NTM: variants seen among roughly 807,000 people sequenced by gnomAD.
NTM encodes the protein neurotrimin, also known as IgLON family member 2.
In NTM, 13 loss-of-function variants were observed where a neutral mutation model predicts 42.1. That is an observed-to-expected ratio of 0.31 (90% CI 0.20 to 0.49). The LOEUF is 0.49. NTM is among the 20% of genes least tolerant of loss of function. The pLI is 0.99. For missense variants in NTM, 373 were observed against 452.8 expected, an observed-to-expected ratio of 0.82 and a Z score of 1.60; for synonymous variants, 187 against 179.2, an observed-to-expected ratio of 1.04 and a Z score of -0.35.
At chr11:131,450,110 T>C (rs1185068610) in intron 1 of NTM, among the ~76,000 whole-genome samples, 1 of 152,314 alleles carries the variant, frequency 6.6e-6, no homozygotes, top group Middle Eastern at 3.4e-3. Flanking sequence ...TGCTTTCTTT[T>C]GTCTCTTAAG....
At chr11:131,857,492 A>C (rs1465676016) in intron 1 of NTM, among the ~76,000 whole-genome samples, 1 of 151,946 alleles carries the variant, frequency 6.6e-6, no homozygotes, top group South Asian at 2.1e-4. Context: ...CATAGTACTC[A>C]CTGGCTGTAC....
chr11:131,373,800 C>T (rs777380234), intron 1 of NTM, among the ~76,000 whole-genome samples: 1 of 152,190 alleles, frequency 6.6e-6, no homozygotes, highest in Admixed American at 6.5e-5. Flanking sequence ...TCCTCTCTTA[C>T]CTTTCTCATT....
chr11:132,153,426 T>G (rs1439651581), intron 3 of NTM, among the ~76,000 whole-genome samples: 1 of 152,216 alleles, frequency 6.6e-6, no homozygotes. Flanking sequence ...TATGGTCTCA[T>G]GACCCAACAC....
intron 2 of NTM, among the ~76,000 whole-genome samples, chr11:132,105,187 C>A (rs1012252959): frequency 4.0e-5 from 6 of 151,306 alleles, no homozygotes; most frequent in Admixed American, 4.0e-4. Flanking sequence ...CTCCAACACG[C>A]ACAGCTGAAG....
intron 1 of NTM, among the ~76,000 whole-genome samples, chr11:131,501,102 C>T (rs573070063): frequency 4.6e-5 from 7 of 152,082 alleles, no homozygotes; most frequent in South Asian, 4.2e-4. Flanking sequence ...GTCTGACTTC[C>T]GGACCTGCCT....
rs544350999 is a variant in NTM, at chr11:132,096,584, G to A, written c.168-49698G>A. 8.5e-5 allele frequency among the ~76,000 whole-genome samples: 13 copies of A among 152,204 alleles called. No homozygotes were observed. In the East Asian group the frequency reaches 2.3e-3, roughly 27 times the overall value. On this transcript the variant is annotated intron_variant, in intron 2 of 8. Transcript: ENST00000683400. ...AATGTAACTCCCCCCGCCCTCTAGG[G>A]CCTATTCACAAGGCACAATTCTGCA...
chr11:131,495,712 A>G (rs764016751), intron 1 of NTM, among the ~76,000 whole-genome samples: 1 of 152,210 alleles, frequency 6.6e-6, no homozygotes, highest in Non-Finnish European at 1.5e-5. Flanking sequence ...CAGGGCAAAC[A>G]TTCAAGCCCC....
chr11:132,026,529 T>C (rs1330374605), intron 2 of NTM, among the ~76,000 whole-genome samples: 1 of 152,220 alleles, frequency 6.6e-6, no homozygotes, highest in East Asian at 1.9e-4. Flanking sequence ...GTATTTTTTT[T>C]CCTTCTACTG....
At chr11:131,588,228 C>T (rs902754245) in intron 1 of NTM, among the ~76,000 whole-genome samples, 6 of 152,236 alleles carry the variant, frequency 3.9e-5, no homozygotes, top group African/African-American at 1.2e-4. Context: ...AGGTTTTGGT[C>T]CCTTGCCAAG....
At chr11:132,237,423 TCA>T (rs1333317864) in intron 4 of NTM, among the ~76,000 whole-genome samples, 1 of 152,196 alleles carries the variant, frequency 6.6e-6, no homozygotes, top group East Asian at 1.9e-4. Flanking sequence ...AGCTCTAGAA[TCA>T]CAGAGTCCTG....
chr11:131,871,897 A>G lies in NTM; in HGVS notation c.83-39667A>G, dbSNP rs554900753. Among the ~76,000 whole-genome samples, 5 of 152,170 alleles carry G rather than the reference A, an allele frequency of 3.3e-5. No individual in the cohort carries two copies. The East Asian group carries it at 5.8e-4, about 18-fold the overall frequency. ...CCTGCAGCTCCTGCAGTTTCTCCCTATGAAGAATAAAGAGCTTCAGCCAAT... is the reference window on the plus strand; with the variant it reads ...CCTGCAGCTCCTGCAGTTTCTCCCTGTGAAGAATAAAGAGCTTCAGCCAAT... On this transcript the variant is annotated intron_variant, in intron 1 of 8. Transcript: ENST00000683400.
chr11:131,966,679 C>T (rs1277145798), intron 2 of NTM, among the ~76,000 whole-genome samples: 1 of 152,034 alleles, frequency 6.6e-6, no homozygotes, highest in Non-Finnish European at 1.5e-5. Context: ...AGTGTGGTGT[C>T]AGGTAAGTAG....
At chr11:131,481,616 GGTTGCAGGGCCCT>G (rs72211231) in intron 1 of NTM, among the ~76,000 whole-genome samples, 71,343 of 151,632 alleles carry the variant, frequency 0.47, 17,840 homozygotes, top group East Asian at 0.65. Context: ...GGAGCTGTGT[GGTTGCAGGGCCCT>G]GTTGCAGGGA....
chr11:132,077,104 A>G (rs548870468), intron 2 of NTM, among the ~76,000 whole-genome samples: 1 of 152,318 alleles, frequency 6.6e-6, no homozygotes, highest in Non-Finnish European at 1.5e-5. Context: ...CTACTAGAAT[A>G]TCAGTCATTG....
intron 1 of NTM, among the ~76,000 whole-genome samples, chr11:131,445,690 C>G (rs973124829): frequency 6.6e-6 from 1 of 152,148 alleles, no homozygotes. Context: ...AATGATGAGC[C>G]TGGCAAGCAT....
chr11:131,388,108 C>G (rs1273244225), intron 1 of NTM, among the ~76,000 whole-genome samples: 2 of 152,176 alleles, frequency 1.3e-5, no homozygotes, highest in Non-Finnish European at 2.9e-5. Context: ...AAGGGCCACT[C>G]CCAGGGCTGG....
intron 1 of NTM, among the ~76,000 whole-genome samples, chr11:131,842,869 G>A (rs929737767): frequency 6.6e-6 from 1 of 151,960 alleles, no homozygotes; most frequent in East Asian, 1.9e-4. Context: ...AATTTAGTCG[G>A]GCGTGGTGCC....
chr11:131,925,145 TAACTC>T (rs1225077286), intron 2 of NTM, among the ~76,000 whole-genome samples: 1 of 152,210 alleles, frequency 6.6e-6, no homozygotes, highest in Non-Finnish European at 1.5e-5. Flanking sequence ...ATAATGGACT[TAACTC>T]AAGACATGCT....
intron 1 of NTM, among the ~76,000 whole-genome samples, chr11:131,901,282 T>C (rs1276095909): frequency 1.3e-5 from 2 of 152,208 alleles, no homozygotes; most frequent in African/African-American, 4.8e-5. Context: ...CCAGCATTCA[T>C]GCCCAATCCC....
Sources: allele counts gnomAD v4.1 joint callset (sites outside exome capture counted in the v4.1 genomes callset), GRCh38; gene constraint gnomAD v4.1.1; transcripts MANE v1.5; gene names NCBI Gene and HGNC (gene_info 2026-07-23, HGNC 2026-07-21).